Variants in PIP5K1C observed in about 807,000 individuals in gnomAD.
PIP5K1C encodes the protein phosphatidylinositol-4-phosphate 5-kinase type 1 gamma.
In PIP5K1C, 45 loss-of-function variants were observed where a neutral mutation model predicts 80.1. That is an observed-to-expected ratio of 0.56 (90% CI 0.44 to 0.72). The LOEUF (loss-of-function observed/expected upper bound fraction) is 0.72. PIP5K1C is among the 30% of genes least tolerant of loss of function. The pLI is 0.00. For synonymous variants in PIP5K1C, 498 were observed against 420.1 expected (o/e 1.19, Z -2.27); for missense variants, 753 against 954.6 (o/e 0.79, Z 2.78).
chr19:3,691,001 G>A (rs1394863113), intron 1 of PIP5K1C, among the ~76,000 whole-genome samples: 1 of 152,218 alleles, frequency 6.6e-6, no homozygotes, highest in Non-Finnish European at 1.5e-5. Flanking sequence ...GCTCTTGATA[G>A]AAACACAGGT....
chr19:3,698,477 G>C (rs1185511540), intron 1 of PIP5K1C, among the ~76,000 whole-genome samples: 1 of 152,220 alleles, frequency 6.6e-6, no homozygotes, highest in Non-Finnish European at 1.5e-5. Context: ...GATGACCAGA[G>C]ATAAAAAGCA....
chr19:3,682,359 G>A (rs1600075276), intron 1 of PIP5K1C, among the ~76,000 whole-genome samples: 1 of 138,398 alleles, frequency 7.2e-6, no homozygotes, highest in African/African-American at 2.8e-5. Context: ...GGACAACAGA[G>A]CAAGACTCCA....
chr19:3,669,355 G>A (rs1014794256), intron 1 of PIP5K1C, among the ~76,000 whole-genome samples: 1 of 152,224 alleles, frequency 6.6e-6, no homozygotes, highest in African/African-American at 2.4e-5. Context: ...CGGCTGAGGT[G>A]AGCAGGGGAG....
Position 3,637,200 on chromosome 19 carries a change from C to T in PIP5K1C, c.1920+1684G>A. The T allele has an allele frequency of 7.0e-7, 1 of 1,432,620 alleles. No individual in the cohort carries two copies. Among genetic ancestry groups the T allele is most frequent in the Non-Finnish European group, 9.1e-7 (1 of 1,098,216 alleles). 88.7% of individuals were successfully genotyped at this position (1,432,620 alleles called of 1,614,324 possible). On this transcript the variant is annotated intron_variant, in intron 16 of 17. Transcript: ENST00000335312. This position sits in a 1 kb window ranked among gnomAD's most constrained non-coding sequence, Gnocchi z 7.0. Reference sequence around the variant, plus strand: ...GAAGCGTCCACCCAAGACACCCTGACACGAGAGGGCTGGGTCCAGGGGCAG... The same window carrying T: ...GAAGCGTCCACCCAAGACACCCTGATACGAGAGGGCTGGGTCCAGGGGCAG...
rs73532063 is a variant in PIP5K1C at position 3,642,970 on chromosome 19, A to G, written c.1650-31T>C. On this transcript the variant is annotated intron_variant, in intron 13 of 17. Coordinates refer to ENST00000335312, the MANE Select transcript of PIP5K1C (RefSeq NM_012398.3). ...GAGATACAGCAAACACGTGACACCC[A>G]GAAAGAGAGTGGCCCGCCTGCTCAG... 3.2e-3 allele frequency: 5,221 copies of G among 1,612,780 alleles called. 148 individuals carry two copies. In the African/African-American group the frequency reaches 0.061, roughly 19 times the overall value.
chr19:3,646,134 G>A (rs1277537104), intron 10 of PIP5K1C, 76 bp from the exon 11 acceptor site: 8 of 893,672 alleles, frequency 9.0e-6, no homozygotes, highest in African/African-American at 3.3e-5. Flanking sequence ...CCAGACAGAC[G>A]CTGTATGTGT....
intron 1 of PIP5K1C, among the ~76,000 whole-genome samples, chr19:3,679,090 A>G (rs1374681412): frequency 6.6e-6 from 1 of 152,022 alleles, no homozygotes; most frequent in Non-Finnish European, 1.5e-5. Context: ...AATTCTTTCA[A>G]CTTTTCAGCA....
chr19:3,680,714 T>A (rs2035565824), intron 1 of PIP5K1C, among the ~76,000 whole-genome samples: 1 of 152,224 alleles, frequency 6.6e-6, no homozygotes, highest in African/African-American at 2.4e-5. Context: ...TTTCTGTTTA[T>A]CCCTTAAGTC....
chr19:3,647,538 A>G (rs947139281), intron 9 of PIP5K1C, 152 bp from the exon 10 acceptor site: 128 of 733,376 alleles, frequency 1.7e-4, no homozygotes, highest in Non-Finnish European at 2.8e-4. Flanking sequence ...TGCTCCTGGC[A>G]GGGAGTGGGT....
intron 1 of PIP5K1C, among the ~76,000 whole-genome samples, chr19:3,690,194 A>G (rs1480241517): frequency 1.3e-5 from 2 of 152,068 alleles, no homozygotes; most frequent in Non-Finnish European, 2.9e-5. Flanking sequence ...GGAGTGGAGC[A>G]GAATAAAAAG....
chr19:3,656,832 G>A (rs999966252), intron 5 of PIP5K1C, among the ~76,000 whole-genome samples: 6 of 152,200 alleles, frequency 3.9e-5, no homozygotes, highest in African/African-American at 9.6e-5. Flanking sequence ...ACACCTGATC[G>A]CACCGGGGTG....
At chr19:3,694,712 C>T (rs1317520101) in intron 1 of PIP5K1C, among the ~76,000 whole-genome samples, 3 of 152,246 alleles carry the variant, frequency 2.0e-5, no homozygotes, top group South Asian at 4.1e-4. Flanking sequence ...TCCCACCCCA[C>T]GGCCTCGGCG....
intron 6 of PIP5K1C, among the ~76,000 whole-genome samples, chr19:3,654,257 T>A (rs963810494): frequency 1.1e-4 from 16 of 152,234 alleles, no homozygotes; most frequent in African/African-American, 2.4e-5. Context: ...GGTCCTGCTG[T>A]ACCCTGTAGA....
chr19:3,665,514 A>G (rs1294655986), intron 2 of PIP5K1C, among the ~76,000 whole-genome samples: 1 of 152,118 alleles, frequency 6.6e-6, no homozygotes, highest in Non-Finnish European at 1.5e-5. Flanking sequence ...CTTCCTGCCA[A>G]CACGGTGTGA....
chr19:3,635,019 C>T (rs931004397), intron 16 of PIP5K1C, among the ~76,000 whole-genome samples: 2 of 152,208 alleles, frequency 1.3e-5, no homozygotes, highest in African/African-American at 2.4e-5. Flanking sequence ...CTTGAGAGCC[C>T]GGCATGGGGA....
At chr19:3,699,438 A>C (rs2036228415) in intron 1 of PIP5K1C, among the ~76,000 whole-genome samples, 1 of 151,990 alleles carries the variant, frequency 6.6e-6, no homozygotes, top group African/African-American at 2.4e-5. Flanking sequence ...CCCGCCTGCC[A>C]ACCAAGGAAG....
At chr19:3,666,492 A>C (rs2035012663) in intron 2 of PIP5K1C, among the ~76,000 whole-genome samples, 1 of 152,222 alleles carries the variant, frequency 6.6e-6, no homozygotes, top group African/African-American at 2.4e-5. Flanking sequence ...CACACAGGCA[A>C]ACACACGTGC....
At chr19:3,661,170 C>T in intron 4 of PIP5K1C, 87 bp from the exon 5 acceptor site, 2 of 868,826 alleles carry the variant, frequency 2.3e-6, no homozygotes, top group Non-Finnish European at 3.8e-6. Flanking sequence ...GTGCCTCTAG[C>T]AGCTGAGCCT....
chr19:3,663,379 A>C (rs185309270), intron 3 of PIP5K1C, among the ~76,000 whole-genome samples: 1 of 152,184 alleles, frequency 6.6e-6, no homozygotes, highest in African/African-American at 2.4e-5. Flanking sequence ...TCTCCCTCCT[A>C]AGCCACACTC....
Sources: gnomAD v4.1 joint callset for allele counts (sites outside exome capture counted in the v4.1 genomes callset) on GRCh38, gnomAD v4.1.1 for gene constraint, Gnocchi (gnomAD v3.1) non-coding constraint, MANE v1.5 for transcripts, NCBI Gene and HGNC (gene_info 2026-07-23, HGNC 2026-07-21) for gene names.